The following PALD1 variants were observed in gnomAD, a reference collection of about 807,000 sequenced individuals.
PALD1 encodes the protein paladin.
A neutral mutation model predicts 96.0 loss-of-function variants in PALD1; 57 were observed. The ratio of observed to expected loss-of-function variants is 0.59; its 90% confidence interval spans 0.48 to 0.74. The LOEUF (loss-of-function observed/expected upper bound fraction) is 0.74. PALD1 is among the 30% of genes least tolerant of loss of function. The pLI is 0.00. For missense variants in PALD1, 1,063 were observed against 1,143.7 expected (o/e 0.93, Z 1.02); for synonymous variants, 464 against 473.6 (o/e 0.98, Z 0.26).
At chr10:70,524,221 G>A (rs1390404465) in intron 1 of PALD1, among the ~76,000 whole-genome samples, 1 of 152,158 alleles carries the variant, frequency 6.6e-6, no homozygotes, top group South Asian at 2.1e-4. Flanking sequence ...CTGCAGAGTC[G>A]AGGGGTTGGG....
chr10:70,554,908 TCC>T (rs1847561578), intron 18 of PALD1, among the ~76,000 whole-genome samples: 3 of 47,344 alleles, frequency 6.3e-5, no homozygotes, highest in South Asian at 1.2e-3. Flanking sequence ...GAGCCTCCCC[TCC>T]CCTCTCCTCC....
intron 1 of PALD1, among the ~76,000 whole-genome samples, chr10:70,520,281 G>C (rs1420509800): frequency 6.7e-6 from 1 of 150,330 alleles, no homozygotes; most frequent in Non-Finnish European, 1.5e-5. Flanking sequence ...GGAGGTTGTG[G>C]CTGCTGCACC....
intron 1 of PALD1, among the ~76,000 whole-genome samples, chr10:70,484,600 C>T (rs1261398128): frequency 6.6e-6 from 1 of 151,002 alleles, no homozygotes; most frequent in Non-Finnish European, 1.5e-5. Context: ...AGTGCAGTGG[C>T]GTGATCTCAG....
chr10:70,522,961 C>T (rs1031288314), intron 1 of PALD1, among the ~76,000 whole-genome samples: 2 of 152,194 alleles, frequency 1.3e-5, no homozygotes, highest in East Asian at 1.9e-4. Flanking sequence ...GAAGGCCCCA[C>T]GCTGGTGAGG....
At position 70,530,840 on chromosome 10, in the gene PALD1, A is replaced by G. The variant is rs866361283; in HGVS notation, c.469-450A>G. Among the ~76,000 whole-genome samples the G allele has an allele frequency of 3.3e-5, 5 of 152,258 alleles. No individual in the cohort carries two copies. In the South Asian group the frequency reaches 8.3e-4, roughly 25 times the overall value. On this transcript the variant is annotated intron_variant, in intron 4 of 19. Coordinates refer to ENST00000263563, the MANE Select transcript of PALD1 (RefSeq NM_014431.3). The stretch of plus-strand genomic sequence containing the variant: ...CCTCTGCCTGTATGGTGCTCAGTGA[A>G]TGAATGATTGCGTGGTCATGGGGCA...
intron 1 of PALD1, among the ~76,000 whole-genome samples, chr10:70,524,674 C>G (rs891760254): frequency 6.6e-6 from 1 of 152,228 alleles, no homozygotes; most frequent in Non-Finnish European, 1.5e-5. Flanking sequence ...GTGGCCTGCA[C>G]TTCCTATGCA....
At chr10:70,528,688 G>A (rs527859703) in intron 2 of PALD1, among the ~76,000 whole-genome samples, 1 of 152,310 alleles carries the variant, frequency 6.6e-6, no homozygotes, top group Non-Finnish European at 1.5e-5. Context: ...CAGATAAGAT[G>A]CCTTCCTCAG....
chr10:70,567,136 C>T lies in PALD1; in HGVS notation c.*403C>T, dbSNP rs1489068396. 1 of 180,476 alleles carries T rather than the reference C, an allele frequency of 5.5e-6. No homozygotes were observed. The highest frequency in any genetic ancestry group is 1.6e-4 in the East Asian group (1 of 6,148). 11.2% of individuals were successfully genotyped at this position (180,476 alleles called of 1,614,324 possible). On this transcript the variant is annotated 3_prime_UTR_variant, in exon 20 of 20. Coordinates refer to ENST00000263563, the MANE Select transcript of PALD1 (RefSeq NM_014431.3). ...TGGCAGCCCCTGGCACAGAGCAGAC[C>T]CGGCCACTGGTAGCTCCCCACTTCC...
chr10:70,490,967 T>A (rs957417847), intron 1 of PALD1, among the ~76,000 whole-genome samples: 1 of 152,116 alleles, frequency 6.6e-6, no homozygotes, highest in Non-Finnish European at 1.5e-5. Flanking sequence ...ACTTCTTTTT[T>A]TTTTGGAGAC....
intron 17 of PALD1, among the ~76,000 whole-genome samples, chr10:70,546,343 A>C (rs566818586): frequency 5.9e-5 from 9 of 152,236 alleles, no homozygotes; most frequent in Non-Finnish European, 8.8e-5. Context: ...AGCATACAAA[A>C]TGGCAATTTG....
chr10:70,464,339 G>A, the PALD1 span, among the ~76,000 whole-genome samples: 1 of 151,542 alleles, frequency 6.6e-6, no homozygotes, highest in African/African-American at 2.4e-5. Flanking sequence ...AGCCTCCTGA[G>A]TAGCTGGGAT....
At position 70,539,846 on chromosome 10, in the gene PALD1, G is replaced by C; in HGVS notation, c.1908+84G>C. The stretch of plus-strand genomic sequence containing the variant: ...CCTCTGGTCTGGGCTCTGGGAGAAT[G>C]AAACGACCCCAGCTTCTCTACGGGG... On this transcript the variant is annotated intron_variant, in intron 15 of 19. Transcript: ENST00000263563. This position sits in a 1 kb window ranked among gnomAD's most constrained non-coding sequence, Gnocchi z 4.5. 6.5e-6 allele frequency: 8 copies of C among 1,222,164 alleles called. No individual in the cohort carries two copies. Among genetic ancestry groups the C allele is most frequent in the South Asian group, 2.7e-5 (2 of 73,642 alleles). The allele number at this position is 1,222,164 out of a possible 1,614,324, so 75.7% of individuals were successfully genotyped here. A position where few individuals can be genotyped will look rare whatever the true frequency, so the allele number is the denominator to read the frequency against.
chr10:70,480,112 C>T (rs1263557505), intron 1 of PALD1, among the ~76,000 whole-genome samples: 2 of 152,210 alleles, frequency 1.3e-5, no homozygotes, highest in African/African-American at 2.4e-5. Flanking sequence ...GCTCCATGCC[C>T]GCCCTTCCTT....
chr10:70,521,862 C>T (rs1381865130), intron 1 of PALD1, among the ~76,000 whole-genome samples: 4 of 151,458 alleles, frequency 2.6e-5, no homozygotes, highest in Non-Finnish European at 5.9e-5. Flanking sequence ...CCAAGGACCC[C>T]CAAGCAGAAG....
chr10:70,478,545 A>G (rs926308778), upstream of PALD1, among the ~76,000 whole-genome samples: 2 of 152,154 alleles, frequency 1.3e-5, no homozygotes, highest in African/African-American at 4.8e-5. Context: ...CTTCCCGGGC[A>G]GTCTCCCCCG....
intron 1 of PALD1, among the ~76,000 whole-genome samples, chr10:70,496,011 AAACAAC>A (rs138584752): frequency 3.7e-4 from 56 of 151,046 alleles, no homozygotes; most frequent in African/African-American, 1.3e-3. Context: ...ACTCTATCTC[AAACAAC>A]AACAACAACA....
the PALD1 span, among the ~76,000 whole-genome samples, chr10:70,464,631 T>G: frequency 6.7e-6 from 1 of 149,648 alleles, no homozygotes; most frequent in African/African-American, 2.5e-5. Flanking sequence ...CTCCTTTTTT[T>G]TTTTTTTTTT....
chr10:70,566,998 C>G lies in PALD1; in HGVS notation c.*265C>G. On this transcript the variant is annotated 3_prime_UTR_variant, in exon 20 of 20. Coordinates refer to ENST00000263563, the MANE Select transcript of PALD1 (RefSeq NM_014431.3). ...CACTGGAGTGCTCACAAGGTGCACA[C>G]TGCTGTGTGTACCTTGCAGACAGGC... The G allele has an allele frequency of 2.1e-6, 1 of 469,914 alleles. No homozygotes were observed. The highest frequency in any genetic ancestry group is 3.8e-5 in the East Asian group (1 of 26,244). The allele number at this position is 469,914 out of a possible 1,614,324, so 29.1% of individuals were successfully genotyped here.
At chr10:70,490,548 G>A (rs1413493200) in intron 1 of PALD1, among the ~76,000 whole-genome samples, 2 of 152,156 alleles carry the variant, frequency 1.3e-5, no homozygotes, top group Admixed American at 6.6e-5. Context: ...CCAGGCATAA[G>A]CACCTTAGAC....
Sources: allele counts gnomAD v4.1 joint callset (sites outside exome capture counted in the v4.1 genomes callset), GRCh38; gene constraint gnomAD v4.1.1; non-coding constraint Gnocchi (gnomAD v3.1); transcripts MANE v1.5; gene names NCBI Gene and HGNC (gene_info 2026-07-23, HGNC 2026-07-21).